Variants in ROBO2 observed in about 807,000 individuals in gnomAD.
ROBO2 encodes the protein roundabout homolog 2.
ROBO2 carries 53 observed loss-of-function variants against 160.8 expected under a neutral mutation model. The ratio of observed to expected loss-of-function variants is 0.33; its 90% confidence interval spans 0.26 to 0.41. The LOEUF is 0.41. Ranked by LOEUF, ROBO2 falls within the 10% of genes least tolerant of loss-of-function variation. ROBO2 has a pLI of 1.00. For synonymous variants in ROBO2, 664 were observed against 611.7 expected (o/e 1.09, Z -1.26); for missense variants, 1,577 against 1,722.4 (o/e 0.92, Z 1.49).
chr3:77,114,410 A>G (rs1156923247), intron 2 of ROBO2, among the ~76,000 whole-genome samples: 3 of 152,124 alleles, frequency 2.0e-5, no homozygotes, highest in African/African-American at 4.8e-5. Context: ...CTTTTTTCTT[A>G]TTCCAGAAAA....
chr3:77,293,428 T>G (rs2061571543), intron 2 of ROBO2, among the ~76,000 whole-genome samples: 1 of 148,326 alleles, frequency 6.7e-6, no homozygotes, highest in Non-Finnish European at 1.5e-5. Flanking sequence ...ACGGGTAAGC[T>G]GAGGCTAGAT....
chr3:77,149,343 A>T (rs957511377), intron 2 of ROBO2, among the ~76,000 whole-genome samples: 5 of 151,986 alleles, frequency 3.3e-5, no homozygotes, highest in African/African-American at 1.2e-4. Context: ...CCCAAAGTAA[A>T]TTTTAATGGT....
At chr3:77,274,021 G>C (rs2059667652) in intron 2 of ROBO2, among the ~76,000 whole-genome samples, 1 of 151,826 alleles carries the variant, frequency 6.6e-6, no homozygotes, top group Non-Finnish European at 1.5e-5. Context: ...GCTATACTGA[G>C]TTTATTAATG....
intron 2 of ROBO2, among the ~76,000 whole-genome samples, chr3:77,456,678 T>C (rs2081673515): frequency 6.6e-6 from 1 of 152,200 alleles, no homozygotes; most frequent in Admixed American, 6.5e-5. Context: ...GGGGATGACA[T>C]TTTAAACTTA....
chr3:76,311,414 G>T (rs533193055), intron 2 of ROBO2: 2 of 152,172 alleles, frequency 1.3e-5, no homozygotes, highest in African/African-American at 2.4e-5. Flanking sequence ...ACCTTGGAAG[G>T]GGGGTAAGTG....
chr3:76,928,237 A>C (rs1287660806), intron 2 of ROBO2, among the ~76,000 whole-genome samples: 1 of 152,152 alleles, frequency 6.6e-6, no homozygotes. Context: ...ACAAAATGGG[A>C]GTGGACTCTA....
At chr3:77,466,476 G>A (rs1224611865) in intron 2 of ROBO2, among the ~76,000 whole-genome samples, 1 of 152,118 alleles carries the variant, frequency 6.6e-6, no homozygotes, top group South Asian at 2.1e-4. Context: ...GGATGATGAT[G>A]TGATTCATGT....
At chr3:76,354,764 G>A (rs919623354) in intron 2 of ROBO2, among the ~76,000 whole-genome samples, 2 of 151,734 alleles carry the variant, frequency 1.3e-5, no homozygotes, top group African/African-American at 2.4e-5. Flanking sequence ...CTTTCATATA[G>A]GAAAAACTGC....
chr3:76,111,870 T>C (rs1466350495), intron 2 of ROBO2, among the ~76,000 whole-genome samples: 2 of 152,200 alleles, frequency 1.3e-5, no homozygotes, highest in African/African-American at 4.8e-5. Flanking sequence ...GTATAAATGA[T>C]CTGTTAAAAA....
chr3:76,820,675 A>G (rs35637440), intron 2 of ROBO2, among the ~76,000 whole-genome samples: 9,350 of 152,032 alleles, frequency 0.062, 310 homozygotes, highest in East Asian at 0.11. Flanking sequence ...AATTCCCTGC[A>G]CTAATGTACT....
chr3:77,221,806 A>T (rs931021491), intron 2 of ROBO2, among the ~76,000 whole-genome samples: 1 of 152,056 alleles, frequency 6.6e-6, no homozygotes, highest in Non-Finnish European at 1.5e-5. Flanking sequence ...TGTTTTAAAA[A>T]ATTGATAGCC....
chr3:77,165,188 T>C (rs1434014360), intron 2 of ROBO2, among the ~76,000 whole-genome samples: 1 of 150,814 alleles, frequency 6.6e-6, no homozygotes, highest in Non-Finnish European at 1.5e-5. Context: ...GAAGTAGACA[T>C]GGGAGACTTT....
At position 76,306,711 on chromosome 3, in the gene ROBO2, T is replaced by G. The variant is rs191393052; in HGVS notation, c.109+369109T>G. ...ATAAGCATTTTGATAACAGGGACTT[T>G]GTCTGATTATTCTTAAAATACCTAG... On this transcript the variant is annotated intron_variant, in intron 2 of 26. Coordinates refer to the ROBO2 transcript ENST00000487694. Among the ~76,000 whole-genome samples the G allele has an allele frequency of 6.1e-4, 93 of 152,324 alleles. 1 individual carries two copies. Among genetic ancestry groups the G allele is most frequent in the Non-Finnish European group, 5.9e-5 (4 of 68,022 alleles).
chr3:77,395,377 T>C (rs1449592878), intron 2 of ROBO2, among the ~76,000 whole-genome samples: 1 of 152,146 alleles, frequency 6.6e-6, no homozygotes, highest in Non-Finnish European at 1.5e-5. Context: ...TGTTACTTTA[T>C]TAAAAATTGA....
chr3:77,374,338 A>G (rs2072321429), intron 2 of ROBO2, among the ~76,000 whole-genome samples: 1 of 152,128 alleles, frequency 6.6e-6, no homozygotes, highest in African/African-American at 2.4e-5. Flanking sequence ...GAATGAAATA[A>G]TAAGTTGAAG....
At chr3:77,608,496 C>A (rs1056617033) in intron 21 of ROBO2, among the ~76,000 whole-genome samples, 2 of 152,058 alleles carry the variant, frequency 1.3e-5, no homozygotes, top group Non-Finnish European at 2.9e-5. Flanking sequence ...GTAATGAAAC[C>A]TTTTTAAGAT....
At chr3:76,182,301 A>G (rs1400424272) in intron 2 of ROBO2, among the ~76,000 whole-genome samples, 2 of 152,150 alleles carry the variant, frequency 1.3e-5, no homozygotes, top group East Asian at 1.9e-4. Flanking sequence ...CTGAACACAT[A>G]TATCCTTTAA....
At chr3:75,931,901 A>G (rs1947559343) in intron 1 of ROBO2, among the ~76,000 whole-genome samples, 7 of 152,158 alleles carry the variant, frequency 4.6e-5, no homozygotes, top group East Asian at 3.9e-4. Flanking sequence ...ACTGCAGCTC[A>G]GTAACTAAGA....
chr3:76,948,904 ATATATTTT>A (rs1196898422), intron 2 of ROBO2, among the ~76,000 whole-genome samples: 30 of 24,824 alleles, frequency 1.2e-3, no homozygotes, highest in Non-Finnish European at 1.6e-3. Context: ...ATATATATAT[ATATATTTT>A]TTTTTTTTTT....
Sources: allele counts gnomAD v4.1 joint callset (sites outside exome capture counted in the v4.1 genomes callset), GRCh38; gene constraint gnomAD v4.1.1; transcripts MANE v1.5; gene names NCBI Gene and HGNC (gene_info 2026-07-23, HGNC 2026-07-21).